The following PRKG1 variants were observed in gnomAD, a reference collection of about 807,000 sequenced individuals.
The protein encoded by PRKG1 is protein kinase cGMP-dependent 1, also known as cGMP-dependent protein kinase 1.
PRKG1 carries 35 observed loss-of-function variants against 88.1 expected under a neutral mutation model. That is an observed-to-expected ratio of 0.40 (90% confidence interval 0.30 to 0.53). The LOEUF (loss-of-function observed/expected upper bound fraction) is 0.53. PRKG1 is among the 20% of genes least tolerant of loss of function. PRKG1 has a pLI of 0.59. For missense variants in PRKG1, 540 were observed against 839.8 expected, an observed-to-expected ratio of 0.64 and a Z score of 4.41; for synonymous variants, 303 against 292.5, an observed-to-expected ratio of 1.04 and a Z score of -0.37.
At chr10:51,780,354 A>G in intron 3 of PRKG1, among the ~76,000 whole-genome samples, 1 of 152,128 alleles carries the variant, frequency 6.6e-6, no homozygotes, top group East Asian at 1.9e-4. Flanking sequence ...CCTTCAACAA[A>G]CTGGAATACA....
intron 3 of PRKG1, among the ~76,000 whole-genome samples, chr10:51,525,728 T>C (rs1841865720): frequency 6.6e-6 from 1 of 151,548 alleles, no homozygotes; most frequent in East Asian, 1.9e-4. Flanking sequence ...AGAAAAGAAA[T>C]GTGCAGCTTA....
intron 5 of PRKG1, among the ~76,000 whole-genome samples, chr10:52,035,028 G>A (rs1845571030): frequency 6.6e-6 from 1 of 152,152 alleles, no homozygotes; most frequent in Admixed American, 6.5e-5. Context: ...GGGACATAAA[G>A]GTTTCACTGA....
chr10:51,699,147 G>A, intron 3 of PRKG1: 2 of 1,614,182 alleles, frequency 1.2e-6, no homozygotes, highest in Non-Finnish European at 1.7e-6. Context: ...TCCGGGGGGA[G>A]ACTGGCTACT....
intron 12 of PRKG1, among the ~76,000 whole-genome samples, chr10:52,272,915 A>C (rs1841770234): frequency 6.6e-6 from 1 of 152,050 alleles, no homozygotes; most frequent in Non-Finnish European, 1.5e-5. Flanking sequence ...ATTTTTTCCA[A>C]AGTAATTTTT....
intron 9 of PRKG1, among the ~76,000 whole-genome samples, chr10:52,196,724 A>G (rs1839515726): frequency 6.6e-6 from 1 of 152,180 alleles, no homozygotes; most frequent in Non-Finnish European, 1.5e-5. Context: ...TTGTGGGCAG[A>G]TAGGATCTAT....
Position 52,153,718 on chromosome 10 carries a change from G to A in PRKG1, c.1002-8171G>A, listed in dbSNP as rs145168294. ...GATTTTAAAGTAGTATCAGCATACT[G>A]CAAAAATTTATTTTTATTTATTTAT... On this transcript the variant is annotated intron_variant, in intron 8 of 17. Transcript: ENST00000373980. Among the ~76,000 whole-genome samples the A allele has an allele frequency of 5.3e-5, 8 of 152,166 alleles. No individual in the cohort carries two copies. The East Asian group carries it at 1.5e-3, about 29-fold the overall frequency.
At chr10:51,122,776 T>A (rs1845293743) in intron 1 of PRKG1, among the ~76,000 whole-genome samples, 1 of 152,214 alleles carries the variant, frequency 6.6e-6, no homozygotes, top group Non-Finnish European at 1.5e-5. Flanking sequence ...GCATCAATAA[T>A]GTCATAAACC....
intron 3 of PRKG1, among the ~76,000 whole-genome samples, chr10:51,599,185 G>T (rs970627597): frequency 6.6e-6 from 1 of 152,090 alleles, no homozygotes; most frequent in Non-Finnish European, 1.5e-5. Context: ...ATTTGGATTT[G>T]GTTACCCTCT....
intron 1 of PRKG1, among the ~76,000 whole-genome samples, chr10:51,140,983 C>A (rs2131954883): frequency 6.6e-6 from 1 of 152,296 alleles, no homozygotes; most frequent in Non-Finnish European, 1.5e-5. Flanking sequence ...GGTTGAAGAG[C>A]CTATATCTTG....
intron 5 of PRKG1, among the ~76,000 whole-genome samples, chr10:51,979,408 C>CTGTTTTT (rs1843936089): frequency 6.2e-5 from 1 of 16,222 alleles, no homozygotes; most frequent in Non-Finnish European, 1.6e-4. Flanking sequence ...GGATATTGGT[C>CTGTTTTT]TGTTTTTTTT....
chr10:52,139,055 G>T (rs1837503552), intron 8 of PRKG1, among the ~76,000 whole-genome samples: 2 of 152,036 alleles, frequency 1.3e-5, no homozygotes, highest in Admixed American at 1.3e-4. Flanking sequence ...ACCCAGACTG[G>T]AGCCTAAGTA....
chr10:51,163,921 G>C (rs1846446864), intron 2 of PRKG1, among the ~76,000 whole-genome samples: 1 of 152,340 alleles, frequency 6.6e-6, no homozygotes, highest in East Asian at 1.9e-4. Context: ...GCCCACCACA[G>C]CTCAAGGAGG....
At chr10:51,496,158 C>G (rs1004210666) in intron 3 of PRKG1, among the ~76,000 whole-genome samples, 3 of 152,090 alleles carry the variant, frequency 2.0e-5, no homozygotes, top group African/African-American at 7.2e-5. Flanking sequence ...ATGTTCTGCT[C>G]TTAGGATTGG....
intron 1 of PRKG1, among the ~76,000 whole-genome samples, chr10:51,078,588 T>A (rs956280693): frequency 7.8e-6 from 1 of 128,972 alleles, no homozygotes; most frequent in Non-Finnish European, 1.6e-5. Flanking sequence ...AAATATTTAT[T>A]TATATTTATT....
chr10:51,848,085 C>G (rs1840450579), intron 4 of PRKG1, among the ~76,000 whole-genome samples: 1 of 151,984 alleles, frequency 6.6e-6, no homozygotes, highest in Non-Finnish European at 1.5e-5. Context: ...TAGGAAACTC[C>G]CTAACATAAC....
At chr10:52,165,459 C>A (rs1199411270) in intron 9 of PRKG1, among the ~76,000 whole-genome samples, 2 of 152,092 alleles carry the variant, frequency 1.3e-5, no homozygotes, top group East Asian at 3.9e-4. Context: ...GGGCTAGGAA[C>A]CAGCTCTAAT....
At chr10:51,406,658 A>G (rs1040856758) in intron 2 of PRKG1, among the ~76,000 whole-genome samples, 2 of 144,536 alleles carry the variant, frequency 1.4e-5, no homozygotes, top group Admixed American at 6.9e-5. Context: ...TTCTGTTTTT[A>G]TATATTTCTA....
intron 3 of PRKG1, among the ~76,000 whole-genome samples, chr10:51,676,291 G>A (rs1840709133): frequency 6.6e-6 from 1 of 152,016 alleles, no homozygotes; most frequent in Non-Finnish European, 1.5e-5. Context: ...TGTGGCTAGT[G>A]ATCATCATCA....
intron 3 of PRKG1, among the ~76,000 whole-genome samples, chr10:51,673,294 A>AT (rs1840629359): frequency 6.6e-6 from 1 of 152,198 alleles, no homozygotes; most frequent in South Asian, 2.1e-4. Flanking sequence ...AAGAATAATT[A>AT]TATTTTATGA....
Sources: allele counts gnomAD v4.1 joint callset (sites outside exome capture counted in the v4.1 genomes callset), GRCh38; gene constraint gnomAD v4.1.1; transcripts MANE v1.5; gene names NCBI Gene and HGNC (gene_info 2026-07-23, HGNC 2026-07-21).